Variants in ACTA1 observed in about 807,000 individuals in gnomAD.
ACTA1 encodes the protein actin alpha 1, skeletal muscle.
ACTA1 carries 25 observed loss-of-function variants against 35.8 expected under a neutral mutation model. The observed-to-expected ratio is 0.70, with a 90% confidence interval of 0.51 to 0.97. The LOEUF is 0.97. Among genes scored for constraint, ACTA1 ranks in the 50% least tolerant of loss-of-function variants. The probability of loss-of-function intolerance (pLI) is 0.00; values close to 1 mark genes in which losing one functional copy is unlikely to be tolerated. For missense variants in ACTA1, 174 were observed against 533.0 expected (o/e 0.33, Z 6.63); for synonymous variants, 219 against 217.1 (o/e 1.01, Z -0.08).
chr1:229,431,474 G>C lies in ACTA1; in HGVS notation c.*25C>G. ...TTGAGAAGATTCGTCGTCCTGAGAA[G>C]TCGCGTGCTGGAGGTGGAGTGTGTC... is the stretch of plus-strand genomic sequence containing the variant. On this transcript the variant is annotated 3_prime_UTR_variant, in exon 7 of 7. Transcript: ENST00000366684. This position sits in a 1 kb window ranked among gnomAD's most constrained non-coding sequence, Gnocchi z 7.1. 3 of 1,612,614 alleles carry C rather than the reference G, an allele frequency of 1.9e-6. No homozygotes were observed. The highest frequency in any genetic ancestry group is 2.5e-6 in the Non-Finnish European group (3 of 1,180,034).
intron 3 of ACTA1, 44 bp from the exon 4 acceptor site, chr1:229,432,475 A>G (rs2102736058): frequency 7.5e-7 from 1 of 1,339,494 alleles, no homozygotes; most frequent in South Asian, 1.2e-5. Flanking sequence ...GGCGAGGCCG[A>G]GGCTAGGCTC....
At position 229,431,562 on chromosome 1, in the gene ACTA1, C is replaced by G. The variant is rs745494410; in HGVS notation, c.1071G>C (p.Met357Ile). The change falls in exon 7 of 7, where the codon ATG becomes ATC. Residue 357 changes from methionine to isoleucine, a missense_variant. Transcript: ENST00000366684. This position sits in a 1 kb window ranked among gnomAD's most constrained non-coding sequence, Gnocchi z 7.1. ...CGTCGTACTCCTGCTTGGTGATCCACATCTGCTGGAAGGTGGACAGCGAGG... is the reference window on the plus strand; with the variant it reads ...CGTCGTACTCCTGCTTGGTGATCCAGATCTGCTGGAAGGTGGACAGCGAGG... ...ILASLSTFQQMWITKQEYDEA... is the reference protein window; with the variant it reads ...ILASLSTFQQIWITKQEYDEA... The G allele has an allele frequency of 6.2e-7, 1 of 1,613,988 alleles. No homozygotes were observed.
chr1:229,431,734 G>A lies in ACTA1; in HGVS notation c.977C>T (p.Thr326Ile), dbSNP rs1659940302. ...QKEITALAPS[T>I]MKIKIIAPPE... is the part of the protein sequence containing the mutation. ...GCCACCACCCACCTTGATCTTCATGGTGCTGGGTGCCAGCGCGGTGATCTC... is the reference window on the plus strand; with the variant it reads ...GCCACCACCCACCTTGATCTTCATGATGCTGGGTGCCAGCGCGGTGATCTC... Residue 326 changes from threonine (T) to isoleucine (I), a missense_variant, in exon 6 of 7, where the codon ACC becomes ATC. Transcript: ENST00000366684. This position sits in a 1 kb window ranked among gnomAD's most constrained non-coding sequence, Gnocchi z 7.1. The A allele has an allele frequency of 1.2e-6, 2 of 1,614,176 alleles. No homozygotes were observed. The highest frequency in any genetic ancestry group is 1.3e-5 in the African/African-American group (1 of 75,048).
In ACTA1 at chr1:229,433,229, AG is replaced by A; in HGVS notation, c.-12-103del. ...GCTGGCCCCGACGTCCTCCCTCCCC[AG>A]GAACCTAGGGACATCTCCTGCCGGA... On this transcript the variant is annotated intron_variant, in intron 1 of 6. Transcript: ENST00000366684. 2.0e-6 allele frequency: 3 copies of A among 1,519,214 alleles called. No homozygotes were observed. In the South Asian group the frequency reaches 3.4e-5, roughly 17 times the overall value. 94.1% of individuals were successfully genotyped at this position (1,519,214 alleles called of 1,614,324 possible).
chr1:229,433,154 G>T, intron 1 of ACTA1, 27 bp from the exon 2 acceptor site: 1 of 1,613,620 alleles, frequency 6.2e-7, no homozygotes, highest in Non-Finnish European at 8.5e-7. Flanking sequence ...ACCGCGAAGA[G>T]GCGCGGTGCA....
chr1:229,433,190 G>A lies in ACTA1; in HGVS notation c.-12-63C>T, dbSNP rs577738350. 1,587 of 1,609,360 alleles carry A rather than the reference G, an allele frequency of 9.9e-4. 2 individuals carry two copies. The highest frequency in any genetic ancestry group is 1.2e-3 in the Non-Finnish European group (1,449 of 1,177,152). On this transcript the variant is annotated intron_variant, in intron 1 of 6. Transcript: ENST00000366684. ...TCAGCGCAGAAGTCTCAGCGGCAGG[G>A]GGGGGTAAGCCTGGCTGGCCCCGAC...
chr1:229,432,557 G>C lies in ACTA1; in HGVS notation c.453C>G (p.Thr151=), dbSNP rs76030344. ...GGACTGGGGGCAGCGGGCACTCACCGGTGGTCCTGCCGGAGGCGTAGAGGG... is the reference window on the plus strand; with the variant it reads ...GGACTGGGGGCAGCGGGCACTCACCCGTGGTCCTGCCGGAGGCGTAGAGGG... ...VLSLYASGRT[T]GIVLDSGDGV... Residue 151 remains threonine, a splice_region_variant and synonymous_variant, in exon 3 of 7, where the codon ACC becomes ACG. Coordinates refer to ENST00000366684, the MANE Select transcript of ACTA1 (RefSeq NM_001100.4). 15 of 1,609,420 alleles carry C rather than the reference G, an allele frequency of 9.3e-6. No individual in the cohort carries two copies. In the East Asian group the frequency reaches 2.9e-4, roughly 31 times the overall value.
rs1237221320 is a variant in ACTA1 at position 229,431,903 on chromosome 1, C to A, written c.809-1G>T. 2.5e-6 allele frequency: 4 copies of A among 1,612,866 alleles called. No homozygotes were observed. Among genetic ancestry groups the A allele is most frequent in the Non-Finnish European group, 1.7e-6 (2 of 1,179,416 alleles). On this transcript the variant is annotated splice_acceptor_variant, in intron 5 of 6. Coordinates refer to ENST00000366684, the MANE Select transcript of ACTA1 (RefSeq NM_001100.4). LOFTEE classifies it high-confidence loss of function. This position sits in a 1 kb window ranked among gnomAD's most constrained non-coding sequence, Gnocchi z 7.1. ...TCGTGAATGCCCGCCGACTCCATAC[C>A]TGGGGACCGCGGCGGGGAGCGTGAG...
chr1:229,432,698 G>T lies in ACTA1; in HGVS notation c.312C>A (p.Pro104=), dbSNP rs1289671104. 1 of 1,614,184 alleles carries T rather than the reference G, an allele frequency of 6.2e-7. No individual in the cohort carries two copies. Among genetic ancestry groups the T allele is most frequent in the Admixed American group, 1.7e-5 (1 of 60,032 alleles). Residue 104 remains proline (P), a synonymous_variant, in exon 3 of 7, where the codon CCC becomes CCA. Transcript: ENST00000366684. The part of the protein sequence containing the change: ...NELRVAPEEH[P]TLLTEAPLNP... ...TGAGGGGGGCCTCGGTGAGCAGGGT[G>T]GGGTGCTCCTCGGGAGCCACGCGAA...
chr1:229,433,278 G>A (rs1558082323), intron 1 of ACTA1, among the ~76,000 whole-genome samples, 151 bp from the exon 2 acceptor site: 1 of 152,234 alleles, frequency 6.6e-6, no homozygotes, highest in Admixed American at 6.5e-5. Context: ...CTGCCAGGGC[G>A]GCGACCAGGG....
In ACTA1 at chr1:229,433,063, A is replaced by C. The variant is rs1659986521; in HGVS notation, c.53T>G (p.Leu18Arg). ...TALVCDNGSGLVKAGFAGDDA... is the reference protein window; with the variant it reads ...TALVCDNGSGRVKAGFAGDDA... ...ATCCCCGGCGAAGCCGGCTTTCACC[A>C]GGCCGGAGCCATTGTCGCACACGAG... Residue 18 changes from leucine to arginine, a missense_variant, in exon 2 of 7, where the codon CTG becomes CGG. Transcript: ENST00000366684. The C allele has an allele frequency of 6.2e-7, 1 of 1,613,954 alleles. No individual in the cohort carries two copies. The highest frequency in any genetic ancestry group is 1.3e-5 in the African/African-American group (1 of 74,928).
rs7534252 is a variant in ACTA1, at chr1:229,433,845, C to T, written c.-13+159G>A. On this transcript the variant is annotated intron_variant, in intron 1 of 6. Transcript: ENST00000366684. ...TAATTTCCAGAGGCTGACTGTCTTG[C>T]CTCCTTTTTAAAGCGCGTGTGGCTC... is the stretch of plus-strand genomic sequence containing the variant. Among the ~76,000 whole-genome samples the T allele has an allele frequency of 0.26, 40,028 of 152,198 alleles. 6,628 individuals are homozygous for T. Among genetic ancestry groups the T allele is most frequent in the African/African-American group, 0.47 (19,433 of 41,488 alleles).
Position 229,431,274 on chromosome 1 carries a change from G to A in ACTA1, c.*225C>T. 1.5e-6 allele frequency: 1 copy of A among 648,940 alleles called. No homozygotes were observed. Among genetic ancestry groups the A allele is most frequent in the Non-Finnish European group, 2.7e-6 (1 of 376,340 alleles). The allele number at this position is 648,940 out of a possible 1,614,324, so 40.2% of individuals were successfully genotyped here. On this transcript the variant is annotated 3_prime_UTR_variant, in exon 7 of 7. Coordinates refer to ENST00000366684, the MANE Select transcript of ACTA1 (RefSeq NM_001100.4). This position sits in a 1 kb window ranked among gnomAD's most constrained non-coding sequence, Gnocchi z 7.1. ...CGCAGCTTAACAGAATGACTTTAATGCTTCTTCAAGTTTTCCATTTTCTTC... is the reference window on the plus strand; with the variant it reads ...CGCAGCTTAACAGAATGACTTTAATACTTCTTCAAGTTTTCCATTTTCTTC...
rs76030344 is a variant in ACTA1 at position 229,432,557 on chromosome 1, G to A, written c.453C>T (p.Thr151=). 1.9e-6 allele frequency: 3 copies of A among 1,609,512 alleles called. No homozygotes were observed. Among genetic ancestry groups the A allele is most frequent in the East Asian group, 2.2e-5 (1 of 44,818 alleles). ...GGACTGGGGGCAGCGGGCACTCACC[G>A]GTGGTCCTGCCGGAGGCGTAGAGGG... ...VLSLYASGRT[T]GIVLDSGDGV... Residue 151 remains threonine, a splice_region_variant and synonymous_variant, in exon 3 of 7, where the codon ACC becomes ACT. Transcript: ENST00000366684.
rs1197792205 is a variant in ACTA1 at position 229,431,367 on chromosome 1, CTG to C, written c.*130_*131del. ...TTAATGTATGTACACGTTATAAACA[CTG>C]TGTCAGTTTACGATGGCAGCAACGG... is the stretch of plus-strand genomic sequence containing the variant. On this transcript the variant is annotated 3_prime_UTR_variant, in exon 7 of 7. Coordinates refer to ENST00000366684, the MANE Select transcript of ACTA1 (RefSeq NM_001100.4). This position sits in a 1 kb window ranked among gnomAD's most constrained non-coding sequence, Gnocchi z 7.1. 2.2e-5 allele frequency: 26 copies of C among 1,203,844 alleles called. No homozygotes were observed. The highest frequency in any genetic ancestry group is 1.2e-4 in the Admixed American group (7 of 56,530). 74.6% of individuals were successfully genotyped at this position (1,203,844 alleles called of 1,614,324 possible).
rs942849721 is a variant in ACTA1, at chr1:229,432,797, G to A, written c.213C>T (p.Tyr71=). ...QSKRGILTLK[Y]PIEHGIITNW... ...TGGTGATGATGCCGTGCTCGATAGG[G>A]TACTTCAGGGTCAGGATACCTCTCT... is the stretch of plus-strand genomic sequence containing the variant. Residue 71 remains tyrosine (Y), a synonymous_variant, in exon 3 of 7, where the codon TAC becomes TAT. Transcript: ENST00000366684. 1 of 1,614,216 alleles carries A rather than the reference G, an allele frequency of 6.2e-7. No homozygotes were observed. Among genetic ancestry groups the A allele is most frequent in the African/African-American group, 1.3e-5 (1 of 75,060 alleles).
At chr1:229,432,208 A>T in intron 4 of ACTA1, 23 bp from the exon 5 acceptor site, 1 of 1,613,078 alleles carries the variant, frequency 6.2e-7, no homozygotes. Flanking sequence ...GAAGCAGGAG[A>T]GGAGCCCTCA....
chr1:229,433,053 G>C lies in ACTA1; in HGVS notation c.63C>G (p.Ala21=). 1 of 1,614,058 alleles carries C rather than the reference G, an allele frequency of 6.2e-7. No homozygotes were observed. Among genetic ancestry groups the C allele is most frequent in the Non-Finnish European group, 8.5e-7 (1 of 1,179,946 alleles). ...VCDNGSGLVK[A]GFAGDDAPRA... is the part of the protein sequence containing the mutation. The stretch of plus-strand genomic sequence containing the variant: ...TAGGGGCGTCATCCCCGGCGAAGCC[G>C]GCTTTCACCAGGCCGGAGCCATTGT... The change falls in exon 2 of 7, where the codon GCC becomes GCG. Residue 21 remains alanine (A), a synonymous_variant. Transcript: ENST00000366684.
At chr1:229,432,480 A>G (rs1339514148) in intron 3 of ACTA1, 49 bp from the exon 4 acceptor site, 3 of 1,317,006 alleles carry the variant, frequency 2.3e-6, no homozygotes, top group Non-Finnish European at 3.0e-6. Flanking sequence ...GGCCGAGGCT[A>G]GGCTCTCAGC....
Sources: allele counts gnomAD v4.1 joint callset (sites outside exome capture counted in the v4.1 genomes callset), GRCh38; gene constraint gnomAD v4.1.1; non-coding constraint Gnocchi (gnomAD v3.1); transcripts MANE v1.5; gene names NCBI Gene and HGNC (gene_info 2026-07-23, HGNC 2026-07-21).